Variants in TMEM209 observed in about 807,000 individuals in gnomAD.
The protein encoded by TMEM209 is transmembrane protein 209, also known as testicular tissue protein Li 202.
Under a neutral mutation model 76.2 loss-of-function variants are expected in TMEM209, and 65 were observed. The ratio of observed to expected loss-of-function variants is 0.85; its 90% confidence interval spans 0.70 to 1.05. TMEM209 has a LOEUF of 1.05. Among genes scored for constraint, TMEM209 ranks in the 50% least tolerant of loss-of-function variants. The pLI is 0.00. For synonymous variants in TMEM209, 239 were observed against 237.6 expected (o/e 1.01, Z -0.06); for missense variants, 623 against 685.5 (o/e 0.91, Z 1.02).
intron 9 of TMEM209, among the ~76,000 whole-genome samples, 183 bp downstream of exon 9, chr7:130,181,440 T>C (rs527337241): frequency 6.6e-6 from 1 of 152,270 alleles, no homozygotes; most frequent in African/African-American, 2.4e-5. Flanking sequence ...ATGGGTAAAT[T>C]ATATGGTAGC....
At chr7:130,186,241 T>C (rs1797594594) in intron 6 of TMEM209, among the ~76,000 whole-genome samples, 1 of 152,192 alleles carries the variant, frequency 6.6e-6, no homozygotes, top group Non-Finnish European at 1.5e-5. Flanking sequence ...CTTAGCAGAA[T>C]TCTAAAAGGA....
At chr7:130,180,751 A>C (rs1162691569) in intron 9 of TMEM209, among the ~76,000 whole-genome samples, 1 of 152,238 alleles carries the variant, frequency 6.6e-6, no homozygotes, top group Non-Finnish European at 1.5e-5. Context: ...TGGAAATGCA[A>C]ATCAAAACCA....
intron 9 of TMEM209, among the ~76,000 whole-genome samples, chr7:130,181,298 G>T (rs1797404375): frequency 6.6e-6 from 1 of 152,206 alleles, no homozygotes; most frequent in Non-Finnish European, 1.5e-5. Context: ...CACTTGCAAA[G>T]GACTGGGAGA....
At chr7:130,173,754 A>C (rs1329728591) in intron 12 of TMEM209, 25 bp from the exon 13 acceptor site, 1 of 1,610,376 alleles carries the variant, frequency 6.2e-7, no homozygotes, top group East Asian at 2.2e-5. Context: ...AATATGCTGC[A>C]TTAAAAAACC....
chr7:130,192,942 C>G, intron 5 of TMEM209, 119 bp from the exon 6 acceptor site: 1 of 894,750 alleles, frequency 1.1e-6, no homozygotes. Context: ...CTGACAACAT[C>G]AAACGCTGAT....
chr7:130,189,676 T>C (rs570828929), intron 6 of TMEM209, among the ~76,000 whole-genome samples: 52 of 152,090 alleles, frequency 3.4e-4, no homozygotes, highest in African/African-American at 1.2e-3. Flanking sequence ...ATACGAAAAG[T>C]GGGGAGGACA....
In TMEM209 at chr7:130,175,781, G is replaced by A. The variant is rs1015940141; in HGVS notation, c.1247-172C>T. Among the ~76,000 whole-genome samples, 10 of 152,140 alleles carry A rather than the reference G, an allele frequency of 6.6e-5. 1 individual carries two copies. Among genetic ancestry groups the A allele is most frequent in the Admixed American group, 6.5e-4 (10 of 15,286 alleles). On this transcript the variant is annotated intron_variant, in intron 10 of 14. Coordinates refer to ENST00000397622, the MANE Select transcript of TMEM209 (RefSeq NM_032842.4). ...GACAAAAGTTAAACATGTCCCTGAA[G>A]ACATCAGATAAATCCAAAATGTGGG...
intron 5 of TMEM209, among the ~76,000 whole-genome samples, chr7:130,198,806 G>A (rs56031615): frequency 0.25 from 38,516 of 151,814 alleles, 5,416 homozygotes; most frequent in African/African-American, 0.36. Context: ...TTAATTTCTA[G>A]TTTTATTTTT....
At chr7:130,197,086 G>C (rs1798012143) in intron 5 of TMEM209, among the ~76,000 whole-genome samples, 2 of 152,090 alleles carry the variant, frequency 1.3e-5, no homozygotes, top group South Asian at 4.1e-4. Context: ...ACACCACACA[G>C]TGTTTCCTCA....
chr7:130,189,177 A>G (rs145288974), intron 6 of TMEM209, among the ~76,000 whole-genome samples: 50 of 152,244 alleles, frequency 3.3e-4, no homozygotes, highest in Middle Eastern at 3.4e-3. Flanking sequence ...TAAGCATGAC[A>G]ATCATATTGT....
intron 8 of TMEM209, chr7:130,181,924 T>C (rs1401584900): frequency 2.2e-6 from 1 of 448,764 alleles, no homozygotes; most frequent in South Asian, 2.8e-5. Context: ...CACTGGAGTG[T>C]AAATTAACTA....
At position 130,201,923 on chromosome 7, in the gene TMEM209, T is replaced by A; in HGVS notation, c.500A>T (p.Gln167Leu). ...SCMTGYSPQL[Q>L]GLSSGGSGSY... ...ACCACTGCCACCTGAGGACAGACCT[T>A]GCAGCTGAGGGCTGTAACCAGTCAT... The change falls in exon 5 of 15, where the codon CAA becomes CTA. Residue 167 changes from glutamine to leucine, a missense_variant. Coordinates refer to ENST00000397622, the MANE Select transcript of TMEM209 (RefSeq NM_032842.4). 6.2e-7 allele frequency: 1 copy of A among 1,613,890 alleles called. No homozygotes were observed. Among genetic ancestry groups the A allele is most frequent in the Non-Finnish European group, 8.5e-7 (1 of 1,179,878 alleles).
At chr7:130,173,247 T>A (rs1054389128) in intron 13 of TMEM209, among the ~76,000 whole-genome samples, 7 of 151,728 alleles carry the variant, frequency 4.6e-5, no homozygotes, top group Non-Finnish European at 1.0e-4. Flanking sequence ...GAGGCTGAGG[T>A]GGAAGGACTT....
intron 14 of TMEM209, 93 bp from the exon 15 acceptor site, chr7:130,166,598 T>A: frequency 1.4e-6 from 1 of 712,800 alleles, no homozygotes; most frequent in Non-Finnish European, 2.2e-6. Context: ...AATACATGTT[T>A]AACTGATATT....
chr7:130,200,949 C>T (rs937059000), intron 5 of TMEM209, among the ~76,000 whole-genome samples: 13 of 151,786 alleles, frequency 8.6e-5, no homozygotes, highest in Non-Finnish European at 1.9e-4. Flanking sequence ...ATTAGCCGGG[C>T]ACGGTGGTGG....
At chr7:130,177,427 C>A (rs1394836691) in intron 10 of TMEM209, among the ~76,000 whole-genome samples, 1 of 151,224 alleles carries the variant, frequency 6.6e-6, no homozygotes, top group Non-Finnish European at 1.5e-5. Flanking sequence ...CAGCTGGGCA[C>A]GGTGGCTCAT....
At chr7:130,204,861 C>T in intron 1 of TMEM209, 1 of 841,868 alleles carries the variant, frequency 1.2e-6, no homozygotes, top group Non-Finnish European at 1.5e-6. Context: ...CTCATGCAGA[C>T]GCCATTACTA....
Position 130,185,313 on chromosome 7 carries a change from C to T in TMEM209, c.830G>A (p.Arg277His), listed in dbSNP as rs1463534636. 16 of 1,613,798 alleles carry T rather than the reference C, an allele frequency of 9.9e-6. No homozygotes were observed. Among genetic ancestry groups the T allele is most frequent in the Admixed American group, 1.7e-5 (1 of 60,008 alleles). The change falls in exon 7 of 15, where the codon CGT becomes CAT. Residue 277 changes from arginine to histidine, a missense_variant. By Grantham distance (29) the Arg-to-His change is conservative. Coordinates refer to ENST00000397622, the MANE Select transcript of TMEM209 (RefSeq NM_032842.4). Reference sequence around the variant, plus strand: ...AGTTTGTGCATAATCCCCCATAGAACGACTATAGTTCCAGAAAGTAGGACT... The same window carrying T: ...AGTTTGTGCATAATCCCCCATAGAATGACTATAGTTCCAGAAAGTAGGACT... ...SSSPTFWNYS[R>H]SMGDYAQTLK...
chr7:130,176,804 A>AT (rs1478894623), intron 10 of TMEM209, among the ~76,000 whole-genome samples: 1 of 152,182 alleles, frequency 6.6e-6, no homozygotes, highest in Non-Finnish European at 1.5e-5. Flanking sequence ...AAAATTATGC[A>AT]TTTTTATGAG....
Sources: gnomAD v4.1 joint callset for allele counts (sites outside exome capture counted in the v4.1 genomes callset) on GRCh38, gnomAD v4.1.1 for gene constraint, MANE v1.5 for transcripts, NCBI Gene and HGNC (gene_info 2026-07-23, HGNC 2026-07-21) for gene names.